The following LONP1 variants were observed in gnomAD, a reference collection of about 807,000 sequenced individuals.
The protein encoded by LONP1 is lon protease homolog, mitochondrial.
Under a neutral mutation model 98.5 loss-of-function variants are expected in LONP1, and 31 were observed. The ratio of observed to expected loss-of-function variants is 0.31; its 90% CI spans 0.24 to 0.42. The LOEUF is 0.42. LONP1 is among the 20% of genes least tolerant of loss of function. The pLI is 1.00. For missense variants in LONP1, 1,336 were observed against 1,350.6 expected, an observed-to-expected ratio of 0.99 and a Z score of 0.17; for synonymous variants, 781 against 594.7, an observed-to-expected ratio of 1.31 and a Z score of -4.56.
At chr19:5,713,409 G>A (rs2055268144) in intron 2 of LONP1, among the ~76,000 whole-genome samples, 156 bp from the exon 3 acceptor site, 1 of 152,208 alleles carries the variant, frequency 6.6e-6, no homozygotes. Flanking sequence ...GAGCTCCAGA[G>A]CCTAGGGGAG....
chr19:5,716,827 T>C (rs1022534147), intron 1 of LONP1, among the ~76,000 whole-genome samples: 3 of 152,162 alleles, frequency 2.0e-5, no homozygotes, highest in Non-Finnish European at 4.4e-5. Flanking sequence ...AGAGTCTTGC[T>C]CTGTCGCCCA....
intron 6 of LONP1, 106 bp downstream of exon 6, chr19:5,707,591 G>A (rs2055167329): frequency 8.1e-7 from 1 of 1,237,184 alleles, no homozygotes; most frequent in Admixed American, 1.9e-5. Context: ...AGGGCAGCCA[G>A]GCATGGGGGA....
intron 14 of LONP1, 103 bp from the exon 15 acceptor site, chr19:5,694,655 G>A (rs1485678867): frequency 6.4e-7 from 1 of 1,563,762 alleles, no homozygotes; most frequent in Admixed American, 1.7e-5. Flanking sequence ...GGGGTGGTGG[G>A]GTGATGGGCG....
chr19:5,694,264 C>T, intron 15 of LONP1, 123 bp downstream of exon 15: 2 of 1,308,082 alleles, frequency 1.5e-6, no homozygotes, highest in Admixed American at 2.2e-5. Flanking sequence ...CAGCACACCA[C>T]CCCCCGCCAG....
intron 1 of LONP1, among the ~76,000 whole-genome samples, chr19:5,715,742 C>T (rs1308327237): frequency 4.0e-5 from 6 of 150,882 alleles, no homozygotes; most frequent in Non-Finnish European, 7.4e-5. Flanking sequence ...ACTGCAACCT[C>T]CACCTCCCAG....
At chr19:5,705,732 G>T in intron 8 of LONP1, 40 bp downstream of exon 8, 1 of 1,583,354 alleles carries the variant, frequency 6.3e-7, no homozygotes, top group Non-Finnish European at 8.7e-7. Flanking sequence ...GCTGAGGAGG[G>T]GTCACCTGAG....
chr19:5,707,666 G>A (rs746517904), intron 6 of LONP1, 31 bp downstream of exon 6: 13 of 1,592,466 alleles, frequency 8.2e-6, no homozygotes, highest in African/African-American at 5.4e-5. Context: ...GCAGCCAGGC[G>A]TGGGGGGCTG....
chr19:5,707,425 A>T (rs1215314173), intron 6 of LONP1, among the ~76,000 whole-genome samples: 2 of 152,234 alleles, frequency 1.3e-5, no homozygotes, highest in Admixed American at 6.5e-5. Flanking sequence ...CACGGCCCAG[A>T]GGATCCCACT....
chr19:5,699,340 A>G lies in LONP1; in HGVS notation c.1507-135T>C, dbSNP rs934855540. Reference sequence around the variant, plus strand: ...GGGACCAGGATTGTCCGGGAGGCTGAGCACATCAGAGCTGCCACTGGCCAC... The same window carrying G: ...GGGACCAGGATTGTCCGGGAGGCTGGGCACATCAGAGCTGCCACTGGCCAC... On this transcript the variant is annotated intron_variant, in intron 9 of 17. Transcript: ENST00000360614. The G allele has an allele frequency of 8.4e-6, 5 of 593,462 alleles. No homozygotes were observed. In the Admixed American group the frequency reaches 1.6e-4, roughly 19 times the overall value. 36.8% of individuals were successfully genotyped at this position (593,462 alleles called of 1,614,324 possible). A position where few individuals can be genotyped will look rare whatever the true frequency, so the allele number is the denominator to read the frequency against.
intron 17 of LONP1, among the ~76,000 whole-genome samples, chr19:5,692,654 C>G (rs1439192056): frequency 6.7e-6 from 1 of 148,840 alleles, no homozygotes; most frequent in Non-Finnish European, 1.5e-5. Flanking sequence ...CACAGCCCCA[C>G]CACAGCCCCT....
intron 1 of LONP1, among the ~76,000 whole-genome samples, chr19:5,715,854 G>A (rs1455975410): frequency 6.6e-6 from 1 of 151,492 alleles, no homozygotes; most frequent in Non-Finnish European, 1.5e-5. Context: ...ACGGAGTTTC[G>A]CCATGAGCCA....
chr19:5,696,346 T>G lies in LONP1; in HGVS notation c.1799A>C (p.Gln600Pro), dbSNP rs747847975. The G allele has an allele frequency of 1.7e-5, 27 of 1,613,054 alleles. No individual in the cohort carries two copies. Residue 600 changes from glutamine (Q) to proline (P), a missense_variant, in exon 12 of 18, where the codon CAG becomes CCG. Coordinates refer to ENST00000360614, the MANE Select transcript of LONP1 (RefSeq NM_004793.4). ...CAGCAGTGCCGACGACGGGTCCCCC[T>G]GGTAGCCTCGGCCGATCTTGTCCAC... ...DEVDKIGRGY[Q>P]GDPSSALLEL...
At chr19:5,716,878 C>A (rs1012494939) in intron 1 of LONP1, among the ~76,000 whole-genome samples, 3 of 152,198 alleles carry the variant, frequency 2.0e-5, no homozygotes, top group African/African-American at 7.2e-5. Context: ...ACTGCAAGCT[C>A]CGCCTCCTGG....
chr19:5,691,911 G>A lies in LONP1; in HGVS notation c.*121C>T. The A allele has an allele frequency of 8.7e-7, 1 of 1,150,478 alleles. No individual in the cohort carries two copies. Among genetic ancestry groups the A allele is most frequent in the South Asian group, 1.5e-5 (1 of 65,788 alleles). 71.3% of individuals were successfully genotyped at this position (1,150,478 alleles called of 1,614,324 possible). A position where few individuals can be genotyped will look rare whatever the true frequency, so the allele number is the denominator to read the frequency against. ...GCCGACTGAGGTCCCTGGGATCTGG[G>A]TCACTGGACCGAGCTGCTCGCTCGG... On this transcript the variant is annotated 3_prime_UTR_variant, in exon 18 of 18. Transcript: ENST00000360614.
intron 10 of LONP1, among the ~76,000 whole-genome samples, chr19:5,697,907 C>T (rs2054970462): frequency 6.6e-6 from 1 of 152,080 alleles, no homozygotes; most frequent in Non-Finnish European, 1.5e-5. Context: ...TCCAGCCATC[C>T]CTGAACCAGG....
At position 5,714,247 on chromosome 19, in the gene LONP1, G is replaced by A. The variant is rs556819666; in HGVS notation, c.454C>T (p.Leu152=). The change falls in exon 2 of 18, where the codon CTG becomes TTG. Residue 152 remains leucine, a synonymous_variant. Transcript: ENST00000360614. ...GCGAGACGAACTTTCCTTCTCAGCAGCTCAACCAACTTCTTATTTTTAACC... is the reference window on the plus strand; with the variant it reads ...GCGAGACGAACTTTCCTTCTCAGCAACTCAACCAACTTCTTATTTTTAACC... ...IEVKNKKLVE[L]LRRKVRLAQP... 2 of 1,613,832 alleles carry A rather than the reference G, an allele frequency of 1.2e-6. No homozygotes were observed. The highest frequency in any genetic ancestry group is 2.2e-5 in the South Asian group (2 of 91,056).
intron 4 of LONP1, among the ~76,000 whole-genome samples, chr19:5,711,370 G>C (rs2055234363): frequency 6.6e-6 from 1 of 152,244 alleles, no homozygotes; most frequent in African/African-American, 2.4e-5. Context: ...TAGGTTGGGG[G>C]ATCAGGGTGG....
At chr19:5,714,570 G>A (rs902807166) in intron 1 of LONP1, among the ~76,000 whole-genome samples, 35 of 150,680 alleles carry the variant, frequency 2.3e-4, no homozygotes, top group Admixed American at 1.4e-3. Context: ...CTCCCAAAAT[G>A]CCGGGATTAT....
intron 1 of LONP1, among the ~76,000 whole-genome samples, chr19:5,719,432 G>C (rs554637269): frequency 1.3e-5 from 2 of 152,314 alleles, no homozygotes; most frequent in African/African-American, 4.8e-5. Context: ...CCCGGCCCCG[G>C]ATTTCTATGA....
Sources: allele counts gnomAD v4.1 joint callset (sites outside exome capture counted in the v4.1 genomes callset), GRCh38; gene constraint gnomAD v4.1.1; transcripts MANE v1.5; gene names NCBI Gene and HGNC (gene_info 2026-07-23, HGNC 2026-07-21).